MOV10L1: variants seen among roughly 807,000 people sequenced by gnomAD.
MOV10L1 encodes Mov10 like RNA helicase 1.
In MOV10L1, 110 loss-of-function variants were observed where a neutral mutation model predicts 143.8. The ratio of observed to expected loss-of-function variants is 0.76; its 90% CI spans 0.66 to 0.90. The LOEUF is 0.90. MOV10L1 is among the 40% of genes least tolerant of loss of function. The pLI is 0.00. For missense variants in MOV10L1, 1,406 were observed against 1,526.8 expected (o/e 0.92, Z 1.32); for synonymous variants, 593 against 581.1 (o/e 1.02, Z -0.29).
At chr22:50,106,016 G>A (rs373735582) in intron 3 of MOV10L1, among the ~76,000 whole-genome samples, 6 of 152,146 alleles carry the variant, frequency 3.9e-5, no homozygotes, top group Admixed American at 1.3e-4. Flanking sequence ...GCTTTACTCC[G>A]TTAACATCCT....
chr22:50,126,282 C>T lies in MOV10L1; in HGVS notation c.1818+10C>T, dbSNP rs1569301100. 1 of 1,602,320 alleles carries T rather than the reference C, an allele frequency of 6.2e-7. No homozygotes were observed. Among genetic ancestry groups the T allele is most frequent in the Non-Finnish European group, 8.6e-7 (1 of 1,169,364 alleles). The stretch of plus-strand genomic sequence containing the variant: ...CAGCTACGTGACTGAGGTGAGAGCA[C>T]TCTCTCTTAATGAGTTTGTGTTAGA... On this transcript the variant is annotated intron_variant, in intron 12 of 26. Transcript: ENST00000262794.
intron 2 of MOV10L1, chr22:50,093,225 T>G (rs2062500138): frequency 6.6e-6 from 1 of 152,156 alleles, no homozygotes; most frequent in East Asian, 1.9e-4. Context: ...TGAATTATTT[T>G]TGGGTCCTTT....
intron 10 of MOV10L1, among the ~76,000 whole-genome samples, chr22:50,123,215 A>G (rs976785971): frequency 2.1e-5 from 3 of 145,808 alleles, no homozygotes; most frequent in African/African-American, 5.0e-5. Context: ...AAAAAAAAAA[A>G]AAATTCAATT....
At chr22:50,146,797 C>T (rs2063164819) in intron 19 of MOV10L1, among the ~76,000 whole-genome samples, 1 of 152,184 alleles carries the variant, frequency 6.6e-6, no homozygotes, top group Non-Finnish European at 1.5e-5. Context: ...CGGATGGTTT[C>T]ATCGGCGCGT....
At chr22:50,148,544 A>G (rs1409410773) in intron 19 of MOV10L1, among the ~76,000 whole-genome samples, 2 of 152,134 alleles carry the variant, frequency 1.3e-5, no homozygotes, top group Admixed American at 1.3e-4. Context: ...TCACACGGAG[A>G]AGGAAGAGCC....
At chr22:50,111,486 CTTTTTTTTTTTTTTTT>C (rs529438045) in intron 5 of MOV10L1, among the ~76,000 whole-genome samples, 1 of 59,156 alleles carries the variant, frequency 1.7e-5, no homozygotes, top group African/African-American at 7.5e-5. Context: ...TCTGTCTTTG[CTTTTTTTTTTTTTTTT>C]TTTTTTTTTT....
At chr22:50,151,703 C>T (rs1223778896) in intron 21 of MOV10L1, among the ~76,000 whole-genome samples, 1 of 152,250 alleles carries the variant, frequency 6.6e-6, no homozygotes, top group Non-Finnish European at 1.5e-5. Flanking sequence ...CCTCCAGTGC[C>T]GCTGTGCGCC....
At chr22:50,146,980 C>A in intron 19 of MOV10L1, 2 of 1,359,152 alleles carry the variant, frequency 1.5e-6, no homozygotes, top group Non-Finnish European at 1.0e-6. Flanking sequence ...CCGTGTGTGG[C>A]TACCGGATTG....
At chr22:50,116,465 A>G (rs1252687605) in intron 8 of MOV10L1, among the ~76,000 whole-genome samples, 1 of 149,636 alleles carries the variant, frequency 6.7e-6, no homozygotes, top group African/African-American at 2.5e-5. Context: ...AAAAAAAGCC[A>G]TAGGGGGGCA....
intron 26 of MOV10L1, 53 bp from the exon 27 acceptor site, chr22:50,161,315 A>G: frequency 1.4e-6 from 2 of 1,434,626 alleles, no homozygotes; most frequent in Non-Finnish European, 1.9e-6. Context: ...TGCAGCTCCC[A>G]GCCCGCTGTG....
chr22:50,131,983 T>C (rs2062691138), intron 13 of MOV10L1, among the ~76,000 whole-genome samples: 1 of 152,200 alleles, frequency 6.6e-6, no homozygotes, highest in Non-Finnish European at 1.5e-5. Flanking sequence ...GTGAGACTGC[T>C]TCCTGGTTCG....
At position 50,108,717 on chromosome 22, in the gene MOV10L1, T is replaced by G. The variant is rs1484571924; in HGVS notation, c.616T>G (p.Leu206Val). 33 of 1,614,066 alleles carry G rather than the reference T, an allele frequency of 2.0e-5. No homozygotes were observed. The highest frequency in any genetic ancestry group is 2.5e-5 in the Non-Finnish European group (30 of 1,180,034). ...GVLEESIFFT[L>V]DSLKLPDGYT... ...GTTAGAGGAAAGCATCTTCTTTACC[T>G]TGGACTCCTTGAAACTGCCAGATGG... The change falls in exon 5 of 27, where the codon TTG becomes GTG. Residue 206 changes from leucine (L) to valine (V), a missense_variant. Physicochemically the swap from Leu to Val is conservative, Grantham distance 32. This residue lies in a region of MOV10L1 where 1,233 missense variants were observed against 1,351.4 expected (regional missense o/e 0.91). Coordinates refer to ENST00000262794, the MANE Select transcript of MOV10L1 (RefSeq NM_018995.3).
intron 10 of MOV10L1, among the ~76,000 whole-genome samples, chr22:50,122,031 C>T (rs993398945): frequency 6.6e-6 from 1 of 152,144 alleles, no homozygotes; most frequent in African/African-American, 2.4e-5. Flanking sequence ...CTCAAGTATT[C>T]CTCCCGCCTC....
chr22:50,126,293 T>G, intron 12 of MOV10L1, 21 bp downstream of exon 12: 1 of 1,585,218 alleles, frequency 6.3e-7, no homozygotes, highest in Non-Finnish European at 8.7e-7. Context: ...TCTCTCTTAA[T>G]GAGTTTGTGT....
Position 50,090,056 on chromosome 22 carries a change from G to T in MOV10L1, c.-33G>T, listed in dbSNP as rs59932578. ...GCGGGCGCGTGCGGGCGGCGGCAGCGGCGGTGACGGCAGCCTAGGCCGGGC... is the reference window on the plus strand; with the variant it reads ...GCGGGCGCGTGCGGGCGGCGGCAGCTGCGGTGACGGCAGCCTAGGCCGGGC... On this transcript the variant is annotated 5_prime_UTR_variant, in exon 1 of 27. Coordinates refer to ENST00000262794, the MANE Select transcript of MOV10L1 (RefSeq NM_018995.3). 2,205 of 1,228,086 alleles carry T rather than the reference G, an allele frequency of 1.8e-3. 45 individuals are homozygous for T. In the African/African-American group the frequency reaches 0.031, roughly 18 times the overall value. The allele number at this position is 1,228,086 out of a possible 1,614,324, so 76.1% of individuals were successfully genotyped here.
At chr22:50,132,895 G>A (rs368726299) in intron 13 of MOV10L1, among the ~76,000 whole-genome samples, 16 of 152,158 alleles carry the variant, frequency 1.1e-4, no homozygotes, top group East Asian at 9.6e-4. Flanking sequence ...AATCAGCCGG[G>A]CGTGGTAGTG....
chr22:50,093,894 T>C (rs1204443226), intron 2 of MOV10L1: 1 of 152,232 alleles, frequency 6.6e-6, no homozygotes, highest in Admixed American at 6.5e-5. Flanking sequence ...ATTGCTTTCC[T>C]AATGGCTAGC....
In MOV10L1 at chr22:50,152,858, T is replaced by C. The variant is rs1373523739; in HGVS notation, c.2893-187T>C. 6.6e-6 allele frequency among the ~76,000 whole-genome samples: 1 copy of C among 152,156 alleles called. No homozygotes were observed. The highest frequency in any genetic ancestry group is 1.5e-5 in the Non-Finnish European group (1 of 68,026). Reference sequence around the variant, plus strand: ...CTGATGTTTCCATTTTCTATTCAGATGGACCCTTGGCTTGACCATCATCCA... The same window carrying C: ...CTGATGTTTCCATTTTCTATTCAGACGGACCCTTGGCTTGACCATCATCCA... On this transcript the variant is annotated intron_variant, in intron 21 of 26. Transcript: ENST00000262794. The surrounding 1 kb of genome is among the most constrained non-coding windows in gnomAD (Gnocchi z 4.4).
intron 19 of MOV10L1, among the ~76,000 whole-genome samples, chr22:50,149,027 A>T (rs1354206771): frequency 2.0e-5 from 3 of 152,200 alleles, no homozygotes; most frequent in African/African-American, 7.2e-5. Context: ...GCCTATTGGC[A>T]TGCAGGCCAG....
Sources: gnomAD v4.1 joint callset for allele counts (sites outside exome capture counted in the v4.1 genomes callset) on GRCh38, gnomAD v4.1.1 for gene constraint, gnomAD v4.1.1 regional missense constraint, Gnocchi (gnomAD v3.1) non-coding constraint, MANE v1.5 for transcripts, NCBI Gene and HGNC (gene_info 2026-07-23, HGNC 2026-07-21) for gene names.